NRXN3: variants seen among roughly 807,000 people sequenced by gnomAD.
NRXN3 encodes the protein neurexin 3.
NRXN3 carries 32 observed loss-of-function variants against 137.6 expected under a neutral mutation model. That is an observed-to-expected ratio of 0.23 (90% CI 0.18 to 0.31). NRXN3 has a LOEUF of 0.31. NRXN3 is among the 10% of genes least tolerant of loss of function. The pLI, the probability that NRXN3 is intolerant of heterozygous loss-of-function variation, is 1.00. For synonymous variants in NRXN3, 798 were observed against 784.5 expected (o/e 1.02, Z -0.29); for missense variants, 1,574 against 2,062.5 (o/e 0.76, Z 4.59).
intron 4 of NRXN3, among the ~76,000 whole-genome samples, chr14:78,522,898 A>G (rs1264843112): frequency 1.3e-5 from 2 of 152,200 alleles, no homozygotes; most frequent in African/African-American, 4.8e-5. Context: ...TAGAGAATCA[A>G]TATCTAACGG....
chr14:78,403,006 C>T (rs750177971), intron 4 of NRXN3, among the ~76,000 whole-genome samples: 1 of 152,008 alleles, frequency 6.6e-6, no homozygotes, highest in Non-Finnish European at 1.5e-5. Context: ...AGTATTCTGC[C>T]CCCGGATTTC....
chr14:79,376,153 A>T (rs2094273765), intron 15 of NRXN3, among the ~76,000 whole-genome samples: 1 of 145,034 alleles, frequency 6.9e-6, no homozygotes, highest in Non-Finnish European at 1.5e-5. Context: ...TATGGTATAT[A>T]TGTGTATATA....
rs115727590 is a variant in NRXN3 at position 78,435,942 on chromosome 14, T to G, written c.757+138082T>G. On this transcript the variant is annotated intron_variant, in intron 4 of 20. Coordinates refer to ENST00000335750, the MANE Select transcript of NRXN3 (RefSeq NM_001330195.2). ...TCATTTCCAAGGAGAATTGCAAATC[T>G]TAGAAGGTATTTTAAGGGAATATGA... Among the ~76,000 whole-genome samples the G allele has an allele frequency of 4.1e-4, 62 of 152,310 alleles. 1 individual carries two copies. Among genetic ancestry groups the G allele is most frequent in the African/African-American group, 1.4e-3 (60 of 41,570 alleles).
chr14:79,695,286 T>C (rs1236925347), intron 18 of NRXN3, among the ~76,000 whole-genome samples: 1 of 152,028 alleles, frequency 6.6e-6, no homozygotes. Flanking sequence ...AGATGAGAAC[T>C]ATTATAGAGG....
At chr14:79,270,929 G>A (rs1193140285) in intron 15 of NRXN3, among the ~76,000 whole-genome samples, 3 of 152,172 alleles carry the variant, frequency 2.0e-5, no homozygotes, top group African/African-American at 4.8e-5. Flanking sequence ...ATATTGCAAA[G>A]ATTTCTGGGG....
intron 16 of NRXN3, among the ~76,000 whole-genome samples, chr14:79,516,172 A>T (rs2096982306): frequency 6.6e-6 from 1 of 152,186 alleles, no homozygotes; most frequent in African/African-American, 2.4e-5. Context: ...CCATCTAATG[A>T]ATGTTGATTT....
intron 10 of NRXN3, among the ~76,000 whole-genome samples, chr14:78,939,662 T>C (rs61994017): frequency 0.014 from 2,107 of 152,234 alleles, 24 homozygotes; most frequent in Middle Eastern, 0.048. Context: ...AGAGCAAATG[T>C]GGGGCCAGAA....
At chr14:79,004,134 G>A (rs2099547309) in intron 15 of NRXN3, among the ~76,000 whole-genome samples, 1 of 152,164 alleles carries the variant, frequency 6.6e-6, no homozygotes. Context: ...GATTTAAACT[G>A]ATTGCCAAGG....
chr14:78,876,325 A>G (rs949973240), intron 10 of NRXN3, among the ~76,000 whole-genome samples: 3 of 152,158 alleles, frequency 2.0e-5, no homozygotes, highest in Non-Finnish European at 2.9e-5. Flanking sequence ...ACTTGATGTA[A>G]AGGAGGAAAA....
At chr14:79,049,053 AAAAAAAAAAAAAAAAAAAAAATAAT>A (rs2099637704) in intron 15 of NRXN3, among the ~76,000 whole-genome samples, 2 of 57,234 alleles carry the variant, frequency 3.5e-5, no homozygotes, top group African/African-American at 1.3e-4. Context: ...AAAAAAAAAA[AAAAAAAAAAAAAAAAAAAAAATAAT>A]AATAATAATA....
At chr14:79,639,281 C>T (rs221471) in intron 16 of NRXN3, among the ~76,000 whole-genome samples, 41,696 of 152,014 alleles carry the variant, frequency 0.27, 6,599 homozygotes, top group African/African-American at 0.44. Flanking sequence ...CTCATGTCAC[C>T]GGGCTTTGCT....
At chr14:78,476,837 A>G (rs185365741) in intron 4 of NRXN3, among the ~76,000 whole-genome samples, 1 of 152,306 alleles carries the variant, frequency 6.6e-6, no homozygotes, top group Non-Finnish European at 1.5e-5. Flanking sequence ...AGTAACTGGG[A>G]ATTCTTAGTT....
At chr14:79,465,655 T>G (rs1429120658) in intron 15 of NRXN3, among the ~76,000 whole-genome samples, 1 of 152,226 alleles carries the variant, frequency 6.6e-6, no homozygotes, top group Non-Finnish European at 1.5e-5. Flanking sequence ...CTACCTAATA[T>G]TCTCTGTAAA....
chr14:79,319,718 C>A (rs2089626378), intron 15 of NRXN3, among the ~76,000 whole-genome samples: 1 of 152,110 alleles, frequency 6.6e-6, no homozygotes, highest in Non-Finnish European at 1.5e-5. Context: ...TAATTTCATG[C>A]CTGTTGCTTT....
At chr14:78,379,554 T>G (rs897116970) in intron 4 of NRXN3, among the ~76,000 whole-genome samples, 4 of 152,170 alleles carry the variant, frequency 2.6e-5, no homozygotes, top group African/African-American at 9.7e-5. Context: ...TTGACAAAAT[T>G]CAACACTTCT....
Position 79,388,368 on chromosome 14 carries a change from C to CT in NRXN3, c.3263-78844dup, listed in dbSNP as rs141962686. On this transcript the variant is annotated intron_variant, in intron 15 of 20. Transcript: ENST00000335750. ...ATGCAAGAATGGCCTAACACAGTGG[C>CT]TTTTTTTTTCTTTTAAGTATATTTT... Among the ~76,000 whole-genome samples, 1,188 of 151,440 alleles carry CT rather than the reference C, an allele frequency of 7.8e-3. 17 individuals are homozygous for CT. The highest frequency in any genetic ancestry group is 0.026 in the African/African-American group (1,078 of 41,328).
intron 4 of NRXN3, among the ~76,000 whole-genome samples, chr14:78,366,285 T>C (rs531990147): frequency 6.6e-6 from 1 of 152,308 alleles, no homozygotes; most frequent in African/African-American, 2.4e-5. Context: ...GCTAATGGTG[T>C]GTCCAACTGA....
At position 79,648,215 on chromosome 14, in the gene NRXN3, A is replaced by AAACC. The variant is rs36098453; in HGVS notation, c.3445-15563_3445-15562insAACC. On this transcript the variant is annotated intron_variant, in intron 16 of 20. Coordinates refer to ENST00000335750, the MANE Select transcript of NRXN3 (RefSeq NM_001330195.2). ...AAACAAACAAACAAACAAACAAAAAACAGAAAACTTGATGATAAATGTCAA... is the reference window on the plus strand; with the variant it reads ...AAACAAACAAACAAACAAACAAAAAAAACCCAGAAAACTTGATGATAAATGTCAA... Among the ~76,000 whole-genome samples the AAACC allele has an allele frequency of 5.3e-4, 69 of 128,992 alleles. 3 individuals carry two copies. Among genetic ancestry groups the AAACC allele is most frequent in the African/African-American group, 1.7e-3 (68 of 39,586 alleles). 84.6% of individuals were successfully genotyped at this position (128,992 alleles called of 152,430 possible). A position where few individuals can be genotyped will look rare whatever the true frequency, so the allele number is the denominator to read the frequency against.
intron 4 of NRXN3, among the ~76,000 whole-genome samples, chr14:78,381,701 T>G (rs749301815): frequency 6.6e-6 from 1 of 152,122 alleles, no homozygotes; most frequent in Non-Finnish European, 1.5e-5. Context: ...AATGAGTGAA[T>G]GGTTAAACAA....
Sources: allele counts gnomAD v4.1 joint callset (sites outside exome capture counted in the v4.1 genomes callset), GRCh38; gene constraint gnomAD v4.1.1; transcripts MANE v1.5; gene names NCBI Gene and HGNC (gene_info 2026-07-23, HGNC 2026-07-21).